Variants in DNAH3 observed in about 807,000 individuals in gnomAD.
DNAH3 encodes dynein axonemal heavy chain 3.
In DNAH3, 332 loss-of-function variants were observed where a neutral mutation model predicts 432.5. That is an observed-to-expected ratio of 0.77 (90% CI 0.70 to 0.84). The LOEUF is 0.84. DNAH3 is among the 40% of genes least tolerant of loss of function. DNAH3 has a pLI of 0.00. For synonymous variants in DNAH3, 1,956 were observed against 1,900.2 expected (o/e 1.03, Z -0.76); for missense variants, 4,861 against 5,114.0 (o/e 0.95, Z 1.51).
chr16:21,036,796 T>G (rs1279144277), exon 35 of DNAH3: 3 of 1,612,940 alleles, frequency 1.9e-6, no homozygotes, highest in Non-Finnish European at 2.5e-6. Context: ...CAGAAAAACT[T>G]CATAGTCTGG....
At chr16:21,050,436 A>G (rs2089906807) in intron 29 of DNAH3, among the ~76,000 whole-genome samples, 2 of 152,146 alleles carry the variant, frequency 1.3e-5, no homozygotes, top group Non-Finnish European at 2.9e-5. Flanking sequence ...CAACTAGATT[A>G]TGAATTCTTT....
intron 57 of DNAH3, 146 bp from the exon 58 acceptor site, chr16:20,944,809 A>T: frequency 1.3e-6 from 1 of 761,798 alleles, no homozygotes; most frequent in Non-Finnish European, 2.1e-6. Context: ...ACACGCTGGG[A>T]GAACACAACC....
At chr16:21,071,953 ATGTG>A (rs2090799015) in intron 21 of DNAH3, among the ~76,000 whole-genome samples, 3 of 152,116 alleles carry the variant, frequency 2.0e-5, no homozygotes, top group Non-Finnish European at 4.4e-5. Flanking sequence ...CTGTGAACTG[ATGTG>A]CCCCGGGGCA....
intron 55 of DNAH3, among the ~76,000 whole-genome samples, chr16:20,953,243 C>T (rs1050732430): frequency 3.3e-4 from 50 of 151,622 alleles, no homozygotes; most frequent in Non-Finnish European, 7.4e-5. Flanking sequence ...ACTGCAACCT[C>T]CACCTCCTGG....
intron 18 of DNAH3, among the ~76,000 whole-genome samples, chr16:21,089,374 C>T (rs1297691161): frequency 1.3e-5 from 2 of 152,164 alleles, no homozygotes; most frequent in Non-Finnish European, 2.9e-5. Context: ...AGCTTGATCC[C>T]TTGATAAAAT....
chr16:21,042,141 CT>C lies in DNAH3; in HGVS notation c.4523del (p.Lys1508SerfsTer2). 6.2e-7 allele frequency: 1 copy of C among 1,613,256 alleles called. No individual in the cohort carries two copies. The highest frequency in any genetic ancestry group is 1.1e-5 in the South Asian group (1 of 90,856). ...TCCCTTCAAAGATGAATGTCTTTAG[CT>C]TCCGAATGATGGCTTGTTGGATGCT... On this transcript the variant is annotated frameshift_variant, in exon 32 of 62. Transcript: ENST00000261383. LOFTEE classifies it high-confidence loss of function.
At chr16:21,067,191 T>G in intron 24 of DNAH3, 92 bp downstream of exon 24, 3 of 1,391,864 alleles carry the variant, frequency 2.2e-6, no homozygotes, top group East Asian at 2.3e-5. Context: ...ATGGACTAGA[T>G]TGGTTGAAGC....
intron 5 of DNAH3, among the ~76,000 whole-genome samples, chr16:21,138,487 C>T (rs1023855397): frequency 1.3e-5 from 2 of 152,072 alleles, no homozygotes; most frequent in Non-Finnish European, 2.9e-5. Flanking sequence ...TATCTTCAGG[C>T]AAGTTTCAGA....
chr16:21,026,083 G>C (rs1436516802), intron 38 of DNAH3, among the ~76,000 whole-genome samples: 1 of 152,034 alleles, frequency 6.6e-6, no homozygotes, highest in Non-Finnish European at 1.5e-5. Context: ...CCAAGTGCTT[G>C]TTACTGTGAG....
At chr16:20,943,684 C>G (rs1233842037) in intron 58 of DNAH3, among the ~76,000 whole-genome samples, 1 of 152,158 alleles carries the variant, frequency 6.6e-6, no homozygotes, top group Non-Finnish European at 1.5e-5. Flanking sequence ...CTGGGAAGAA[C>G]TTAACAACTG....
At position 20,977,948 on chromosome 16, in the gene DNAH3, T is replaced by C. The variant is rs77467885; in HGVS notation, c.8076+1382A>G. On this transcript the variant is annotated intron_variant, in intron 50 of 61. Transcript: ENST00000261383. ...CCCAGGAACAGAGCAACAGAGGCCA[T>C]TTCCAATGTTCTCTCCCATCCCTGC... Among the ~76,000 whole-genome samples, 457 of 152,326 alleles carry C rather than the reference T, an allele frequency of 3.0e-3. 3 individuals carry two copies. Among genetic ancestry groups the C allele is most frequent in the South Asian group, 5.6e-3 (27 of 4,826 alleles).
chr16:21,020,397 A>ATATATATT (rs1555530020), intron 40 of DNAH3, among the ~76,000 whole-genome samples: 3 of 34,594 alleles, frequency 8.7e-5, no homozygotes, highest in African/African-American at 3.6e-4. Context: ...ATATATATAT[A>ATATATATT]TTTTTTTTTT....
rs757406075 is a variant in DNAH3, at chr16:20,954,847, G to A, written c.11037C>T (p.Ala3679=). 6.2e-6 allele frequency: 10 copies of A among 1,614,076 alleles called. No homozygotes were observed. The South Asian group carries it at 6.6e-5, about 11-fold the overall frequency. Residue 3679 remains alanine, a synonymous_variant, in exon 55 of 62, where the codon GCC becomes GCT. Transcript: ENST00000261383. The stretch of plus-strand genomic sequence containing the variant: ...CGAAGTTTCTTCTCTCTTGAACAAC[G>A]GCGTGGAAGAAACAAAGGCCAAATA...
At chr16:21,153,501 G>T (rs1419807677) in intron 1 of DNAH3, among the ~76,000 whole-genome samples, 1 of 152,168 alleles carries the variant, frequency 6.6e-6, no homozygotes, top group Non-Finnish European at 1.5e-5. Context: ...GCAGGATGTG[G>T]GTGGGGCCAG....
chr16:21,020,076 A>C (rs890294676), intron 40 of DNAH3, among the ~76,000 whole-genome samples: 7 of 148,718 alleles, frequency 4.7e-5, no homozygotes, highest in South Asian at 4.2e-4. Flanking sequence ...GTTGGAGTGC[A>C]GTGGTGCAGT....
chr16:21,072,843 C>T (rs62034932), intron 21 of DNAH3, among the ~76,000 whole-genome samples: 2 of 115,846 alleles, frequency 1.7e-5, no homozygotes, highest in East Asian at 2.6e-4. Flanking sequence ...ATTATTATTA[C>T]TATTATTATT....
At chr16:21,121,617 T>TTTTTG (rs2092343407) in intron 10 of DNAH3, among the ~76,000 whole-genome samples, 1 of 151,256 alleles carries the variant, frequency 6.6e-6, no homozygotes. Context: ...TTTTTTTTTT[T>TTTTTG]TGGAGATGGA....
At chr16:21,066,905 C>T (rs187049202) in intron 24 of DNAH3, among the ~76,000 whole-genome samples, 3 of 152,126 alleles carry the variant, frequency 2.0e-5, no homozygotes, top group Non-Finnish European at 4.4e-5. Flanking sequence ...CCCAAATTTA[C>T]GGTGGAGAAC....
intron 31 of DNAH3, among the ~76,000 whole-genome samples, chr16:21,045,845 A>C (rs2089670638): frequency 7.2e-6 from 1 of 139,712 alleles, no homozygotes; most frequent in Admixed American, 7.3e-5. Context: ...CACTGCTTTG[A>C]ATGCGTCCCA....
Sources: allele counts gnomAD v4.1 joint callset (sites outside exome capture counted in the v4.1 genomes callset), GRCh38; gene constraint gnomAD v4.1.1; transcripts MANE v1.5; gene names NCBI Gene and HGNC (gene_info 2026-07-23, HGNC 2026-07-21).